HS6ST3: variants seen among roughly 807,000 people sequenced by gnomAD.
The protein encoded by HS6ST3 is heparan sulfate 6-O-sulfotransferase 3.
HS6ST3 carries 12 observed loss-of-function variants against 36.7 expected under a neutral mutation model. That is an observed-to-expected ratio of 0.33 (90% CI 0.21 to 0.53). The LOEUF is 0.53. Among genes scored for constraint, HS6ST3 ranks in the 20% least tolerant of loss-of-function variants. The probability of loss-of-function intolerance (pLI) is 0.95; values close to 1 mark genes in which losing one functional copy is unlikely to be tolerated. For synonymous variants in HS6ST3, 240 were observed against 257.5 expected (o/e 0.93, Z 0.65); for missense variants, 584 against 640.9 (o/e 0.91, Z 0.96).
intron 1 of HS6ST3, among the ~76,000 whole-genome samples, chr13:96,628,830 T>C (rs1180524691): frequency 1.3e-5 from 2 of 150,858 alleles, no homozygotes. Flanking sequence ...TGTGTGCATG[T>C]GTGTGTGTGT....
intron 1 of HS6ST3, among the ~76,000 whole-genome samples, chr13:96,243,474 A>G (rs761633284): frequency 1.5e-4 from 23 of 152,116 alleles, no homozygotes; most frequent in Admixed American, 2.6e-4. Context: ...TTTTTGTTAA[A>G]CCACCTTGAT....
intron 1 of HS6ST3, among the ~76,000 whole-genome samples, chr13:96,536,263 C>T (rs1383539167): frequency 1.3e-5 from 2 of 152,172 alleles, no homozygotes; most frequent in East Asian, 1.9e-4. Flanking sequence ...TGGCAGAAAT[C>T]GTTGTCTTTG....
intron 1 of HS6ST3, among the ~76,000 whole-genome samples, chr13:96,740,726 A>G (rs1219121910): frequency 6.6e-6 from 1 of 152,172 alleles, no homozygotes; most frequent in Non-Finnish European, 1.5e-5. Context: ...AAGAGAATTC[A>G]TGAAAGTCGT....
intron 1 of HS6ST3, among the ~76,000 whole-genome samples, chr13:96,380,026 G>C (rs906792433): frequency 3.9e-5 from 6 of 152,288 alleles, no homozygotes; most frequent in Middle Eastern, 3.4e-3. Flanking sequence ...ACTGCTTTGA[G>C]AGAAAGGCTG....
intron 1 of HS6ST3, among the ~76,000 whole-genome samples, chr13:96,612,677 C>T (rs1465714609): frequency 1.3e-5 from 2 of 152,100 alleles, no homozygotes; most frequent in Non-Finnish European, 2.9e-5. Flanking sequence ...TTAGAGTCAT[C>T]CTGGACTCCT....
At chr13:96,303,313 A>G (rs1418221123) in intron 1 of HS6ST3, among the ~76,000 whole-genome samples, 2 of 152,212 alleles carry the variant, frequency 1.3e-5, no homozygotes, top group African/African-American at 4.8e-5. Context: ...AGAAGCTTAG[A>G]TCTAGTGAGG....
At chr13:96,460,322 A>T (rs2055777820) in intron 1 of HS6ST3, among the ~76,000 whole-genome samples, 1 of 152,204 alleles carries the variant, frequency 6.6e-6, no homozygotes, top group Admixed American at 6.5e-5. Flanking sequence ...TGTGAAATTA[A>T]TGTATCTGCT....
chr13:96,502,365 T>TC (rs1026475048), intron 1 of HS6ST3, among the ~76,000 whole-genome samples: 25 of 151,754 alleles, frequency 1.6e-4, no homozygotes, highest in African/African-American at 5.8e-4. Context: ...CGGGCTTTTT[T>TC]TTTTTTTTTC....
intron 1 of HS6ST3, among the ~76,000 whole-genome samples, chr13:96,707,049 G>A (rs1191311553): frequency 2.0e-5 from 3 of 152,164 alleles, no homozygotes; most frequent in Non-Finnish European, 2.9e-5. Context: ...TAGGAAATGT[G>A]TCTTATTCAT....
At chr13:96,638,176 C>T (rs1199380890) in intron 1 of HS6ST3, among the ~76,000 whole-genome samples, 2 of 152,094 alleles carry the variant, frequency 1.3e-5, no homozygotes, top group East Asian at 3.9e-4. Context: ...ATCTTACCTA[C>T]TTACCTATCA....
At chr13:96,472,606 A>G (rs551910248) in intron 1 of HS6ST3, among the ~76,000 whole-genome samples, 1 of 152,254 alleles carries the variant, frequency 6.6e-6, no homozygotes, top group East Asian at 1.9e-4. Context: ...GTGCTCTGTC[A>G]TTGCTTCGGC....
intron 1 of HS6ST3, among the ~76,000 whole-genome samples, chr13:96,569,669 T>C (rs914818893): frequency 6.6e-6 from 1 of 152,160 alleles, no homozygotes; most frequent in Admixed American, 6.6e-5. Context: ...TGGTAAGATC[T>C]GGGAAAACAA....
intron 1 of HS6ST3, among the ~76,000 whole-genome samples, chr13:96,687,432 AG>A (rs1874814517): frequency 6.6e-6 from 1 of 152,008 alleles, no homozygotes; most frequent in African/African-American, 2.4e-5. Context: ...ACATCTAGAC[AG>A]GGTGAATTTA....
chr13:96,452,670 T>C (rs773824230), intron 1 of HS6ST3, among the ~76,000 whole-genome samples: 1 of 152,194 alleles, frequency 6.6e-6, no homozygotes, highest in Non-Finnish European at 1.5e-5. Flanking sequence ...TAGGGAAATA[T>C]GGCTGCTCCC....
chr13:96,780,281 G>A (rs1334895164), intron 1 of HS6ST3, among the ~76,000 whole-genome samples: 1 of 152,144 alleles, frequency 6.6e-6, no homozygotes, highest in Non-Finnish European at 1.5e-5. Flanking sequence ...AAGTGTTTGC[G>A]TCAGCTTAGG....
chr13:96,596,830 A>G (rs1394520475), intron 1 of HS6ST3, among the ~76,000 whole-genome samples: 1 of 152,124 alleles, frequency 6.6e-6, no homozygotes, highest in Non-Finnish European at 1.5e-5. Context: ...TCTCATCACT[A>G]AATGTATACC....
rs545071527 is a variant in HS6ST3 at position 96,401,785 on chromosome 13, G to C, written c.707+310216G>C. 1.8e-4 allele frequency among the ~76,000 whole-genome samples: 27 copies of C among 152,194 alleles called. 1 individual carries two copies. Among genetic ancestry groups the C allele is most frequent in the Admixed American group, 1.2e-3 (19 of 15,276 alleles). The stretch of plus-strand genomic sequence containing the variant: ...AGGCAGGGTTTCACCATGCTGCCAG[G>C]CTGGTCTCGAACTCCTGATGTCAAG... On this transcript the variant is annotated intron_variant, in intron 1 of 1. Transcript: ENST00000376705.
chr13:96,450,878 T>C (rs1418618377), intron 1 of HS6ST3, among the ~76,000 whole-genome samples: 1 of 152,156 alleles, frequency 6.6e-6, no homozygotes. Context: ...AATATGCTGG[T>C]GTTAGACAAA....
At chr13:96,139,165 A>C (rs537695033) in intron 1 of HS6ST3, among the ~76,000 whole-genome samples, 1 of 152,266 alleles carries the variant, frequency 6.6e-6, no homozygotes, top group Admixed American at 6.5e-5. Context: ...AGTTGTGATA[A>C]AGAAGCACCG....
Sources: allele counts gnomAD v4.1 joint callset (sites outside exome capture counted in the v4.1 genomes callset), GRCh38; gene constraint gnomAD v4.1.1; transcripts MANE v1.5; gene names NCBI Gene and HGNC (gene_info 2026-07-23, HGNC 2026-07-21).